Variants in TENM4 observed in about 807,000 individuals in gnomAD.
TENM4 encodes teneurin transmembrane protein 4, also known as teneurin-4.
TENM4 carries 82 observed loss-of-function variants against 243.3 expected under a neutral mutation model. That is an observed-to-expected ratio of 0.34 (90% CI 0.28 to 0.40). The LOEUF (loss-of-function observed/expected upper bound fraction) is 0.40, where lower values mean the gene tolerates loss of function less well. Among genes scored for constraint, TENM4 ranks in the 10% least tolerant of loss-of-function variants. The pLI is 1.00. For synonymous variants in TENM4, 1,412 were observed against 1,456.3 expected, an observed-to-expected ratio of 0.97 and a Z score of 0.69; for missense variants, 3,138 against 3,673.3, an observed-to-expected ratio of 0.85 and a Z score of 3.77.
rs369485077 is a variant in TENM4, at chr11:78,702,383, T to C, written c.4230A>G (p.Thr1410=). 6.2e-7 allele frequency: 1 copy of C among 1,612,382 alleles called. No homozygotes were observed. Among genetic ancestry groups the C allele is most frequent in the African/African-American group, 1.3e-5 (1 of 75,052 alleles). The change falls in exon 28 of 34, where the codon ACA becomes ACG. Residue 1410 remains threonine, a synonymous_variant. Coordinates refer to ENST00000278550, the MANE Select transcript of TENM4 (RefSeq NM_001098816.3). ...DISQVHLEWP[T]DLAINPMDNS... is the part of the protein sequence containing the mutation. Reference sequence around the variant, plus strand: ...TGTCCATTGGGTTGATGGCTAAGTCTGTGGGCCACTCCAGGTGAACCTGAC... The same window carrying C: ...TGTCCATTGGGTTGATGGCTAAGTCCGTGGGCCACTCCAGGTGAACCTGAC...
At chr11:78,788,921 C>T (rs1000042947) in intron 15 of TENM4, among the ~76,000 whole-genome samples, 3 of 152,110 alleles carry the variant, frequency 2.0e-5, no homozygotes, top group African/African-American at 4.8e-5. Flanking sequence ...TGTAATCTAC[C>T]CCCAAGACCT....
chr11:78,695,358 A>G (rs1333884596), intron 28 of TENM4, among the ~76,000 whole-genome samples: 1 of 150,464 alleles, frequency 6.6e-6, no homozygotes, highest in African/African-American at 2.5e-5. Context: ...ATCTGAGTGG[A>G]CAATTTTTTT....
chr11:78,688,822 CA>C (rs1167121741), intron 28 of TENM4, among the ~76,000 whole-genome samples: 1 of 152,196 alleles, frequency 6.6e-6, no homozygotes, highest in Non-Finnish European at 1.5e-5. Context: ...CTAGATTTTA[CA>C]TCTGGCACTA....
chr11:78,726,034 G>C, intron 23 of TENM4, 45 bp downstream of exon 23: 3 of 1,608,176 alleles, frequency 1.9e-6, no homozygotes, highest in Non-Finnish European at 2.5e-6. Context: ...TATGAGACAA[G>C]GTTCCACCCC....
At chr11:79,343,249 G>A (rs1260551822) in intron 1 of TENM4, among the ~76,000 whole-genome samples, 1 of 152,220 alleles carries the variant, frequency 6.6e-6, no homozygotes, top group Non-Finnish European at 1.5e-5. Flanking sequence ...CATGCATTAT[G>A]GTTAAGTGAT....
intron 2 of TENM4, among the ~76,000 whole-genome samples, chr11:79,292,759 G>T (rs1486383302): frequency 6.6e-6 from 1 of 152,222 alleles, no homozygotes; most frequent in African/African-American, 2.4e-5. Flanking sequence ...TGCAACCTGG[G>T]AAAGTTATTC....
At chr11:78,823,272 C>A (rs907224957) in intron 12 of TENM4, among the ~76,000 whole-genome samples, 1 of 152,212 alleles carries the variant, frequency 6.6e-6, no homozygotes, top group African/African-American at 2.4e-5. Context: ...GCCTGCCCAG[C>A]GGTGGCCCAG....
chr11:78,758,132 G>T (rs536866455), intron 18 of TENM4, among the ~76,000 whole-genome samples: 1 of 152,138 alleles, frequency 6.6e-6, no homozygotes, highest in Non-Finnish European at 1.5e-5. Context: ...GTGCTTTGTC[G>T]GCAGACAACA....
intron 32 of TENM4, among the ~76,000 whole-genome samples, chr11:78,663,205 A>G (rs1203008903): frequency 6.6e-6 from 1 of 152,226 alleles, no homozygotes; most frequent in African/African-American, 2.4e-5. Flanking sequence ...GCAGATGTCA[A>G]TCAGAGACTA....
intron 1 of TENM4, among the ~76,000 whole-genome samples, chr11:79,352,525 C>G (rs1857430968): frequency 6.6e-6 from 1 of 152,210 alleles, no homozygotes; most frequent in South Asian, 2.1e-4. Context: ...AGCCACGGAG[C>G]ATGACTGCCT....
At chr11:79,409,667 C>T (rs968238982) in intron 1 of TENM4, among the ~76,000 whole-genome samples, 3 of 152,156 alleles carry the variant, frequency 2.0e-5, no homozygotes, top group Non-Finnish European at 4.4e-5. Context: ...GCAGACACTA[C>T]GGATGCCCTC....
At chr11:79,103,364 G>A (rs141052875) in intron 4 of TENM4, among the ~76,000 whole-genome samples, 87 of 152,280 alleles carry the variant, frequency 5.7e-4, no homozygotes, top group Middle Eastern at 6.8e-3. Context: ...ATTGCTCCCT[G>A]AAGGATGACC....
rs1857853266 is a variant in TENM4 at position 78,654,863 on chromosome 11, G to C, written c.*3195C>G. 1 of 152,330 alleles carries C rather than the reference G, an allele frequency of 6.6e-6. No individual in the cohort carries two copies. Among genetic ancestry groups the C allele is most frequent in the Non-Finnish European group, 1.5e-5 (1 of 68,154 alleles). 9.4% of individuals were successfully genotyped at this position (152,330 alleles called of 1,614,324 possible). A position where few individuals can be genotyped will look rare whatever the true frequency, so the allele number is the denominator to read the frequency against. ...ACAAAAAAACAAAGTTGGGGAATCAGTAAAGTCCTATTTAAGGTGGTGGCA... is the reference window on the plus strand; with the variant it reads ...ACAAAAAAACAAAGTTGGGGAATCACTAAAGTCCTATTTAAGGTGGTGGCA... On this transcript the variant is annotated 3_prime_UTR_variant, in exon 34 of 34. Coordinates refer to ENST00000278550, the MANE Select transcript of TENM4 (RefSeq NM_001098816.3).
intron 1 of TENM4, among the ~76,000 whole-genome samples, chr11:79,398,286 A>C (rs80258827): frequency 0.02 from 3,066 of 152,160 alleles, 121 homozygotes; most frequent in African/African-American, 0.071. Flanking sequence ...TTACCTGTGA[A>C]TCTTCAGGAG....
At chr11:79,062,433 G>A (rs1181273292) in intron 6 of TENM4, among the ~76,000 whole-genome samples, 2 of 152,180 alleles carry the variant, frequency 1.3e-5, no homozygotes, top group Non-Finnish European at 2.9e-5. Flanking sequence ...CCCACCAGAT[G>A]CTCTGAGAAT....
At chr11:78,978,002 C>T (rs986291493) in intron 6 of TENM4, among the ~76,000 whole-genome samples, 19 of 152,150 alleles carry the variant, frequency 1.2e-4, no homozygotes, top group Non-Finnish European at 5.9e-5. Context: ...GGCACATATA[C>T]ACCATGGAAT....
At chr11:79,151,962 TGAC>T (rs1862520158) in intron 3 of TENM4, among the ~76,000 whole-genome samples, 1 of 152,136 alleles carries the variant, frequency 6.6e-6, no homozygotes, top group Non-Finnish European at 1.5e-5. Flanking sequence ...TGTCAATGAG[TGAC>T]TGATTGATTA....
chr11:79,332,544 T>C (rs1456128777), intron 1 of TENM4, among the ~76,000 whole-genome samples: 3 of 152,140 alleles, frequency 2.0e-5, no homozygotes, highest in Non-Finnish European at 2.9e-5. Context: ...TGGGGGCTAA[T>C]TGTGGCCATG....
intron 4 of TENM4, chr11:79,093,270 A>T (rs1410081385): frequency 2.2e-5 from 3 of 135,984 alleles, no homozygotes; most frequent in Non-Finnish European, 4.8e-5. Context: ...GGCCAGTAAG[A>T]TGAAAAAAGG....
Sources: gnomAD v4.1 joint callset for allele counts (sites outside exome capture counted in the v4.1 genomes callset) on GRCh38, gnomAD v4.1.1 for gene constraint, MANE v1.5 for transcripts, NCBI Gene and HGNC (gene_info 2026-07-23, HGNC 2026-07-21) for gene names.